SEC31A: variants seen among roughly 807,000 people sequenced by gnomAD.
SEC31A encodes the protein SEC31 homolog A, COPII component, also known as protein transport protein Sec31A.
A neutral mutation model predicts 151.0 loss-of-function variants in SEC31A; 70 were observed. The observed-to-expected ratio is 0.46, with a 90% confidence interval of 0.38 to 0.57. The LOEUF is 0.57. Among genes scored for constraint, SEC31A ranks in the 20% least tolerant of loss-of-function variants. SEC31A has a pLI of 0.00. For missense variants in SEC31A, 1,330 were observed against 1,471.2 expected (o/e 0.90, Z 1.57); for synonymous variants, 475 against 505.9 (o/e 0.94, Z 0.82).
intron 10 of SEC31A, among the ~76,000 whole-genome samples, chr4:82,866,098 A>G (rs977926335): frequency 2.6e-5 from 4 of 151,958 alleles, no homozygotes; most frequent in Non-Finnish European, 5.9e-5. Context: ...AAAGAAAAGA[A>G]AAAGAAGGGA....
At chr4:82,870,523 G>C in intron 7 of SEC31A, 99 bp from the exon 8 acceptor site, 1 of 953,760 alleles carries the variant, frequency 1.0e-6, no homozygotes, top group South Asian at 1.4e-5. Flanking sequence ...ATTGTTAACA[G>C]AAATACAATT....
Position 82,819,101 on chromosome 4 carries a change from G to A in SEC31A, c.3636C>T (p.Leu1212=), listed in dbSNP as rs766299958. The A allele has an allele frequency of 1.9e-6, 3 of 1,610,650 alleles. No individual in the cohort carries two copies. Among genetic ancestry groups the A allele is most frequent in the Non-Finnish European group, 2.5e-6 (3 of 1,178,518 alleles). Reference sequence around the variant, plus strand: ...AGACACCCAGCTTATTGGCCTGGGTGAGAACAACTTTGAGAACTGGCATGA... The same window carrying A: ...AGACACCCAGCTTATTGGCCTGGGTAAGAACAACTTTGAGAACTGGCATGA... ...SAFMPVLKVV[L]TQANKLGV The change falls in exon 27 of 27, where the codon CTC becomes CTT. Residue 1212 remains leucine (L), a synonymous_variant. Coordinates refer to ENST00000395310, the MANE Select transcript of SEC31A (RefSeq NM_001077207.4).
chr4:82,822,721 C>G (rs1723633415), intron 25 of SEC31A, among the ~76,000 whole-genome samples: 1 of 152,112 alleles, frequency 6.6e-6, no homozygotes, highest in Non-Finnish European at 1.5e-5. Context: ...TGCCTGTAAT[C>G]CCAGCACTTT....
intron 25 of SEC31A, chr4:82,821,338 G>C (rs770431002): frequency 7.1e-6 from 3 of 421,234 alleles, no homozygotes; most frequent in Non-Finnish European, 1.3e-5. Flanking sequence ...CATGAGGTCA[G>C]GAGTTTGAGA....
At chr4:82,893,713 G>A (rs1032787483), upstream of SEC31A, 7 of 152,108 alleles carry the variant, frequency 4.6e-5, no homozygotes, top group African/African-American at 1.7e-4. Flanking sequence ...CATATTCAAG[G>A]AGACTTCAAA....
intron 19 of SEC31A, among the ~76,000 whole-genome samples, chr4:82,849,793 G>A (rs1442553039): frequency 6.6e-6 from 1 of 151,974 alleles, no homozygotes; most frequent in Non-Finnish European, 1.5e-5. Context: ...CATGCATAGA[G>A]ACTTACAAAA....
intron 22 of SEC31A, 83 bp downstream of exon 22, chr4:82,842,057 T>C (rs774900534): frequency 6.9e-5 from 80 of 1,157,550 alleles, no homozygotes; most frequent in Non-Finnish European, 9.2e-5. Context: ...TACAAACAGT[T>C]AGAAATAATA....
Position 82,865,536 on chromosome 4 carries a change from GTATATATATATATATA to G in SEC31A, c.1198-954_1198-939del, listed in dbSNP as rs55681370. Among the ~76,000 whole-genome samples the G allele has an allele frequency of 3.3e-3, 453 of 137,192 alleles. 6 individuals are homozygous for G. The highest frequency in any genetic ancestry group is 0.011 in the African/African-American group (412 of 36,412). 90.0% of individuals were successfully genotyped at this position (137,192 alleles called of 152,430 possible). A position where few individuals can be genotyped will look rare whatever the true frequency, so the allele number is the denominator to read the frequency against. ...AAATGAATGGATAAAAAAAAATGTG[GTATATATATATATATA>G]TATATATATATATATATATATATAT... On this transcript the variant is annotated intron_variant, in intron 10 of 26. Transcript: ENST00000395310.
At chr4:82,898,927 G>C (rs1720175074) in intron 3 of SEC31A, among the ~76,000 whole-genome samples, 1 of 151,728 alleles carries the variant, frequency 6.6e-6, no homozygotes, top group African/African-American at 2.4e-5. Flanking sequence ...GTACACAAAT[G>C]TTCATAATAG....
intron 18 of SEC31A, among the ~76,000 whole-genome samples, chr4:82,852,435 C>T (rs929583223): frequency 2.0e-5 from 3 of 152,158 alleles, no homozygotes; most frequent in Non-Finnish European, 2.9e-5. Context: ...CCATTCAATA[C>T]CAAATCTTTC....
chr4:82,850,168 G>A (rs550569586), intron 19 of SEC31A, among the ~76,000 whole-genome samples: 11 of 151,626 alleles, frequency 7.3e-5, no homozygotes, highest in Non-Finnish European at 8.8e-5. Flanking sequence ...GCTTATAAAT[G>A]GTACTGAAAA....
chr4:82,891,273 C>A, upstream of SEC31A: 1 of 1,196,018 alleles, frequency 8.4e-7, no homozygotes. Context: ...CCCGCCCACC[C>A]GACGCACAGC....
intron 7 of SEC31A, 180 bp downstream of exon 7, chr4:82,871,764 G>C (rs555734897): frequency 1.5e-6 from 1 of 664,742 alleles, no homozygotes; most frequent in African/African-American, 1.8e-5. Flanking sequence ...GTTTGAACCT[G>C]GGAGGCAGAG....
At chr4:82,886,260 G>C (rs1740684392) in intron 1 of SEC31A, among the ~76,000 whole-genome samples, 1 of 152,198 alleles carries the variant, frequency 6.6e-6, no homozygotes, top group Non-Finnish European at 1.5e-5. Context: ...GTATCACATG[G>C]TTAAAAGCAT....
intron 21 of SEC31A, 131 bp downstream of exon 21, chr4:82,844,255 A>G: frequency 2.1e-6 from 2 of 933,036 alleles, no homozygotes; most frequent in Non-Finnish European, 3.2e-6. Flanking sequence ...TCTTTGTAGC[A>G]GGGACTCAGG....
intron 23 of SEC31A, among the ~76,000 whole-genome samples, chr4:82,828,007 C>A (rs1725010807): frequency 6.6e-6 from 1 of 152,046 alleles, no homozygotes; most frequent in South Asian, 2.1e-4. Flanking sequence ...CTCCGCCTCC[C>A]AGGTTCAAGC....
At chr4:82,871,492 T>G in intron 7 of SEC31A, 1 of 1,133,644 alleles carries the variant, frequency 8.8e-7, no homozygotes, top group East Asian at 2.6e-5. Flanking sequence ...GACATAAACA[T>G]TAAGTTCCTA....
intron 11 of SEC31A, among the ~76,000 whole-genome samples, chr4:82,864,123 T>C (rs912135039): frequency 9.9e-5 from 15 of 152,190 alleles, no homozygotes; most frequent in African/African-American, 3.6e-4. Context: ...AACAGACCTA[T>C]TATTATTTTT....
chr4:82,869,999 C>A (rs1309767228), intron 8 of SEC31A, among the ~76,000 whole-genome samples: 1 of 152,140 alleles, frequency 6.6e-6, no homozygotes, highest in Non-Finnish European at 1.5e-5. Context: ...CTTGAACAAT[C>A]CTACATCGAA....
Sources: allele counts gnomAD v4.1 joint callset (sites outside exome capture counted in the v4.1 genomes callset), GRCh38; gene constraint gnomAD v4.1.1; transcripts MANE v1.5; gene names NCBI Gene and HGNC (gene_info 2026-07-23, HGNC 2026-07-21).